CLEC4A: variants seen among roughly 807,000 people sequenced by gnomAD.
CLEC4A encodes the protein C-type (calcium dependent, carbohydrate-recognition domain) lectin, superfamily member 6.
CLEC4A carries 27 observed loss-of-function variants against 32.7 expected under a neutral mutation model. The ratio of observed to expected loss-of-function variants is 0.83; its 90% CI spans 0.61 to 1.14. CLEC4A has a LOEUF of 1.14. CLEC4A is among the 50% of genes most tolerant of loss of function. The pLI is 0.00. For missense variants in CLEC4A, 253 were observed against 274.6 expected (o/e 0.92, Z 0.55); for synonymous variants, 89 against 93.7 (o/e 0.95, Z 0.29).
intron 3 of CLEC4A, among the ~76,000 whole-genome samples, chr12:8,132,511 T>C (rs1276635766): frequency 1.1e-4 from 17 of 152,328 alleles, no homozygotes; most frequent in African/African-American, 2.4e-5. Flanking sequence ...GAGAAAACGA[T>C]ATGATTTCAG....
chr12:8,138,172 A>G lies in CLEC4A; in HGVS notation c.599A>G (p.Asn200Ser), dbSNP rs781539513. ...CATCCACGTGAGCCCAGTGATCCCAATGAGCGCTGCGTTGTGCTAAATTTT... is the reference window on the plus strand; with the variant it reads ...CATCCACGTGAGCCCAGTGATCCCAGTGAGCGCTGCGTTGTGCTAAATTTT... ...FWHPREPSDP[N>S]ERCVVLNFRK... Residue 200 changes from asparagine to serine, a missense_variant, in exon 6 of 6, where the codon AAT becomes AGT. By Grantham distance (46) the Asn-to-Ser change is conservative (BLOSUM62 1). Transcript: ENST00000229332. The G allele has an allele frequency of 1.2e-6, 2 of 1,613,960 alleles. No individual in the cohort carries two copies. Among genetic ancestry groups the G allele is most frequent in the African/African-American group, 2.7e-5 (2 of 74,888 alleles).
chr12:8,125,700 T>A, intron 2 of CLEC4A, 23 bp downstream of exon 2: 1 of 1,364,038 alleles, frequency 7.3e-7, no homozygotes. Context: ...ACTGAACCAA[T>A]AAGCAATATC....
At chr12:8,119,962 T>C (rs1052059955), upstream of CLEC4A, among the ~76,000 whole-genome samples, 3 of 152,180 alleles carry the variant, frequency 2.0e-5, no homozygotes, top group Admixed American at 6.5e-5. Context: ...ATGCTTATGA[T>C]TGCAGTTTTA....
the CLEC4A span, among the ~76,000 whole-genome samples, chr12:8,117,630 G>A: frequency 6.6e-6 from 1 of 152,110 alleles, no homozygotes; most frequent in Non-Finnish European, 1.5e-5. Context: ...TGCATGGCAA[G>A]GACTACCAAG....
the CLEC4A span, among the ~76,000 whole-genome samples, chr12:8,114,420 A>G: frequency 6.6e-6 from 1 of 151,600 alleles, no homozygotes; most frequent in African/African-American, 2.4e-5. Context: ...AATTTTTTGT[A>G]GTTTTAGTAG....
At chr12:8,122,056 G>A (rs1392679860), upstream of CLEC4A, among the ~76,000 whole-genome samples, 3 of 152,086 alleles carry the variant, frequency 2.0e-5, no homozygotes, top group Non-Finnish European at 4.4e-5. Flanking sequence ...GTGTCCATGT[G>A]GTGGGGTAGC....
At chr12:8,128,885 A>T (rs532219804) in intron 2 of CLEC4A, among the ~76,000 whole-genome samples, 2 of 152,020 alleles carry the variant, frequency 1.3e-5, no homozygotes, top group Middle Eastern at 3.4e-3. Context: ...GTAACCCAGA[A>T]CTCCTCAGAA....
chr12:8,129,440 C>T (rs1448691459), intron 3 of CLEC4A, 78 bp downstream of exon 3: 12 of 939,522 alleles, frequency 1.3e-5, no homozygotes, highest in Admixed American at 2.3e-5. Flanking sequence ...CAGTAAGATT[C>T]CCAGGTAGAT....
At position 8,123,681 on chromosome 12, in the gene CLEC4A, G is replaced by T; in HGVS notation, c.-198G>T. ...TGAGGAAAGGGCTTCTGTGAACTGCGGTTTTTAGTTTTTATTGTGGTTCTT... is the reference window on the plus strand; with the variant it reads ...TGAGGAAAGGGCTTCTGTGAACTGCTGTTTTTAGTTTTTATTGTGGTTCTT... On this transcript the variant is annotated 5_prime_UTR_variant, in exon 1 of 6. Transcript: ENST00000229332. The T allele has an allele frequency of 1.8e-6, 1 of 543,514 alleles. No individual in the cohort carries two copies. The allele number at this position is 543,514 out of a possible 1,614,324, so 33.7% of individuals were successfully genotyped here.
chr12:8,135,579 A>G lies in CLEC4A; in HGVS notation c.299-6A>G, dbSNP rs766010536. The G allele has an allele frequency of 1.1e-5, 17 of 1,613,878 alleles. No individual in the cohort carries two copies. The highest frequency in any genetic ancestry group is 3.3e-4 in the Middle Eastern group (2 of 6,082). On this transcript the variant is annotated splice_region_variant and splice_polypyrimidine_tract_variant and intron_variant, in intron 3 of 5. Transcript: ENST00000229332. Reference sequence around the variant, plus strand: ...TTGCACGTATGTGCCCCTCTTCCCAATACAGAGACAGCCTGGAGCTGTTGC... The same window carrying G: ...TTGCACGTATGTGCCCCTCTTCCCAGTACAGAGACAGCCTGGAGCTGTTGC...
the CLEC4A span, among the ~76,000 whole-genome samples, chr12:8,106,846 C>G: frequency 6.6e-6 from 1 of 152,078 alleles, no homozygotes; most frequent in Non-Finnish European, 1.5e-5. Context: ...TCCTCTGTTA[C>G]TATTTGGATA....
In CLEC4A at chr12:8,138,434, C is replaced by T. The variant is rs773512611; in HGVS notation, c.*147C>T. On this transcript the variant is annotated 3_prime_UTR_variant, in exon 6 of 6. Transcript: ENST00000229332. ...CTACTTATGAGAGAATTGGTCTGTA[C>T]ATTGACTGATTCACTTTTTCATAAA... The T allele has an allele frequency of 2.9e-4, 276 of 939,542 alleles. 1 individual carries two copies. The African/African-American group carries it at 4.2e-3, about 14-fold the overall frequency. The allele number at this position is 939,542 out of a possible 1,614,324, so 58.2% of individuals were successfully genotyped here.
At chr12:8,110,140 C>T in the CLEC4A span, among the ~76,000 whole-genome samples, 12 of 152,072 alleles carry the variant, frequency 7.9e-5, no homozygotes, top group African/African-American at 2.9e-4. Flanking sequence ...TTTTTGAGCA[C>T]CGATCATTTG....
chr12:8,115,934 G>C, the CLEC4A span, among the ~76,000 whole-genome samples: 1 of 152,008 alleles, frequency 6.6e-6, no homozygotes, highest in Non-Finnish European at 1.5e-5. Flanking sequence ...GACTATAGGT[G>C]TGTGCTACCA....
At position 8,138,444 on chromosome 12, in the gene CLEC4A, T is replaced by C; in HGVS notation, c.*157T>C. The C allele has an allele frequency of 1.2e-6, 1 of 861,994 alleles. No individual in the cohort carries two copies. Among genetic ancestry groups the C allele is most frequent in the Non-Finnish European group, 1.8e-6 (1 of 569,518 alleles). 53.4% of individuals were successfully genotyped at this position (861,994 alleles called of 1,614,324 possible). ...GAGAATTGGTCTGTACATTGACTGA[T>C]TCACTTTTTCATAAAGTGAGCATTT... On this transcript the variant is annotated 3_prime_UTR_variant, in exon 6 of 6. Transcript: ENST00000229332.
intron 2 of CLEC4A, among the ~76,000 whole-genome samples, chr12:8,126,807 G>A (rs1271281050): frequency 1.3e-5 from 2 of 152,174 alleles, no homozygotes; most frequent in African/African-American, 4.8e-5. Flanking sequence ...TGTGTACCAA[G>A]AATGACCTAG....
intron 2 of CLEC4A, among the ~76,000 whole-genome samples, chr12:8,126,371 ATTTTT>A (rs55729993): frequency 8.6e-6 from 1 of 115,696 alleles, no homozygotes; most frequent in African/African-American, 3.3e-5. Context: ...TGCTCAGCTA[ATTTTT>A]TTTTTTTTTT....
chr12:8,134,973 G>GTTTTTTTTTTTTTTTTT lies in CLEC4A; in HGVS notation c.299-607_299-606insTTTTTTTTTTTTTTTTT, dbSNP rs371181779. On this transcript the variant is annotated intron_variant, in intron 3 of 5. Transcript: ENST00000229332. ...CATGTCTGTATCTTCTTGTTGAAGC[G>GTTTTTTTTTTTTTTTTT]TTTTTGTTTTTTGTTTTTTTTTAAT... The GTTTTTTTTTTTTTTTTT allele has an allele frequency of 1.5e-4, 47 of 318,812 alleles. 4 individuals are homozygous for GTTTTTTTTTTTTTTTTT. Among genetic ancestry groups the GTTTTTTTTTTTTTTTTT allele is most frequent in the African/African-American group, 1.3e-3 (26 of 20,188 alleles). The allele number at this position is 318,812 out of a possible 1,614,324, so 19.7% of individuals were successfully genotyped here.
the CLEC4A span, among the ~76,000 whole-genome samples, chr12:8,111,347 T>G: frequency 6.6e-6 from 1 of 151,460 alleles, no homozygotes; most frequent in Non-Finnish European, 1.5e-5. Context: ...CTCCGGCTAA[T>G]TTTTGTATTT....
Sources: allele counts gnomAD v4.1 joint callset (sites outside exome capture counted in the v4.1 genomes callset), GRCh38; gene constraint gnomAD v4.1.1; transcripts MANE v1.5; gene names NCBI Gene and HGNC (gene_info 2026-07-23, HGNC 2026-07-21).